The following BICD1 variants were observed in gnomAD, a reference collection of about 807,000 sequenced individuals.
BICD1 encodes the protein protein bicaudal D homolog 1.
BICD1 carries 35 observed loss-of-function variants against 92.5 expected under a neutral mutation model. The ratio of observed to expected loss-of-function variants is 0.38; its 90% CI spans 0.29 to 0.50. BICD1 has a LOEUF of 0.50. BICD1 is among the 20% of genes least tolerant of loss of function. BICD1 has a pLI of 0.93. For missense variants in BICD1, 950 were observed against 1,189.8 expected (o/e 0.80, Z 2.97); for synonymous variants, 429 against 465.1 (o/e 0.92, Z 1.00).
At chr12:32,300,140 C>T (rs1272365463) in intron 3 of BICD1, among the ~76,000 whole-genome samples, 7 of 151,426 alleles carry the variant, frequency 4.6e-5, no homozygotes, top group Non-Finnish European at 7.4e-5. Flanking sequence ...CTCGCTCTGT[C>T]GCCCAGGCTG....
chr12:32,239,161 G>T (rs1158748032), intron 2 of BICD1, among the ~76,000 whole-genome samples: 17 of 148,194 alleles, frequency 1.1e-4, no homozygotes. Flanking sequence ...GCAGGAGAAT[G>T]GCGTGAACCT....
chr12:32,200,138 T>C (rs1565582682), intron 1 of BICD1, among the ~76,000 whole-genome samples: 1 of 152,248 alleles, frequency 6.6e-6, no homozygotes, highest in South Asian at 2.1e-4. Flanking sequence ...CAAAAGTACC[T>C]ATCTCTCAGC....
chr12:32,147,188 T>C (rs1943139194), intron 1 of BICD1, among the ~76,000 whole-genome samples: 2 of 152,070 alleles, frequency 1.3e-5, no homozygotes. Context: ...TGCCTCAGCT[T>C]CCCAAAGTGC....
intron 2 of BICD1, among the ~76,000 whole-genome samples, chr12:32,246,599 A>G (rs535325966): frequency 1.3e-5 from 2 of 152,238 alleles, no homozygotes; most frequent in South Asian, 4.2e-4. Context: ...GATGGTGTCA[A>G]TGAACTCTAT....
At chr12:32,283,120 C>T (rs1947464622) in intron 2 of BICD1, among the ~76,000 whole-genome samples, 2 of 144,692 alleles carry the variant, frequency 1.4e-5, no homozygotes, top group Admixed American at 1.4e-4. Flanking sequence ...GCAAGGTTTT[C>T]AGGGAGGGAA....
chr12:32,369,438 A>G (rs537865059), intron 9 of BICD1, among the ~76,000 whole-genome samples: 14 of 152,386 alleles, frequency 9.2e-5, no homozygotes, highest in African/African-American at 3.4e-4. Flanking sequence ...TCTGAGGAGT[A>G]GATGTCAGTA....
At chr12:32,178,704 G>T (rs1158496576) in intron 1 of BICD1, among the ~76,000 whole-genome samples, 3 of 151,980 alleles carry the variant, frequency 2.0e-5, no homozygotes, top group Non-Finnish European at 4.4e-5. Flanking sequence ...TAGAAGCAGG[G>T]ATCTCATGAC....
At chr12:32,160,171 C>T (rs1943559216) in intron 1 of BICD1, among the ~76,000 whole-genome samples, 1 of 152,194 alleles carries the variant, frequency 6.6e-6, no homozygotes, top group Admixed American at 6.5e-5. Context: ...GGCCATGTCC[C>T]AGCTACTGGA....
chr12:32,359,487 C>A (rs1034620047), intron 8 of BICD1, among the ~76,000 whole-genome samples: 1 of 151,922 alleles, frequency 6.6e-6, no homozygotes, highest in Non-Finnish European at 1.5e-5. Flanking sequence ...TCTTATAGAG[C>A]CACCAATTTC....
intron 1 of BICD1, among the ~76,000 whole-genome samples, chr12:32,170,875 C>A (rs2121514401): frequency 6.6e-6 from 1 of 152,238 alleles, no homozygotes; most frequent in East Asian, 1.9e-4. Context: ...ACAGGACAGC[C>A]CCCACACCAG....
chr12:32,107,848 G>A (rs1055466896), intron 1 of BICD1: 20 of 645,686 alleles, frequency 3.1e-5, no homozygotes, highest in Non-Finnish European at 4.5e-5. Context: ...GGGTTGGAAT[G>A]TATAAATCAA....
At chr12:32,171,516 G>A (rs1420545292) in intron 1 of BICD1, among the ~76,000 whole-genome samples, 1 of 152,212 alleles carries the variant, frequency 6.6e-6, no homozygotes, top group Non-Finnish European at 1.5e-5. Context: ...TTCTTCTTCT[G>A]TGGTTCCTCA....
At chr12:32,377,467 C>T (rs1489121022) in intron 9 of BICD1, 73 bp from the exon 10 acceptor site, 36 of 1,177,144 alleles carry the variant, frequency 3.1e-5, no homozygotes, top group Middle Eastern at 1.9e-4. Context: ...AAAAATATCT[C>T]GTCTAACCCC....
intron 4 of BICD1, among the ~76,000 whole-genome samples, chr12:32,309,777 A>T (rs1565660710): frequency 1.3e-5 from 2 of 151,164 alleles, no homozygotes; most frequent in Non-Finnish European, 2.9e-5. Flanking sequence ...TTGTATTTTC[A>T]TTTTTTTTTA....
intron 4 of BICD1, among the ~76,000 whole-genome samples, chr12:32,323,360 C>T (rs1174740289): frequency 2.0e-5 from 3 of 152,182 alleles, no homozygotes; most frequent in African/African-American, 7.2e-5. Context: ...ACCAATTGTT[C>T]ACAATAGCTA....
At chr12:32,193,649 T>C (rs1263328184) in intron 1 of BICD1, among the ~76,000 whole-genome samples, 1 of 151,958 alleles carries the variant, frequency 6.6e-6, no homozygotes, top group African/African-American at 2.4e-5. Flanking sequence ...CCTACAAAGA[T>C]TGAATCATAA....
rs187675800 is a variant in BICD1 at position 32,226,882 on chromosome 12, T to C, written c.426+10423T>C. ...CCCAACCCCTGGAGCTCTTCGCCAGTGTGCCTGGGGCTGGAGCCTGGCGGG... is the reference window on the plus strand; with the variant it reads ...CCCAACCCCTGGAGCTCTTCGCCAGCGTGCCTGGGGCTGGAGCCTGGCGGG... On this transcript the variant is annotated intron_variant, in intron 2 of 9. Transcript: ENST00000652176. 8.5e-5 allele frequency among the ~76,000 whole-genome samples: 13 copies of C among 152,338 alleles called. 1 individual carries two copies. Among genetic ancestry groups the C allele is most frequent in the Admixed American group, 8.5e-4 (13 of 15,296 alleles).
In BICD1 at chr12:32,349,816, G is replaced by A. The variant is rs944912602; in HGVS notation, c.2764+10837G>A. ...AGACAAGGCAGGAAGGAGTAGTGAT[G>A]TTCCTGAGTTCTTGCTGAATTCTGA... On this transcript the variant is annotated intron_variant, in intron 8 of 9. Coordinates refer to ENST00000652176, the MANE Select transcript of BICD1 (RefSeq NM_001714.4). Among the ~76,000 whole-genome samples, 4 of 152,310 alleles carry A rather than the reference G, an allele frequency of 2.6e-5. No homozygotes were observed. In the East Asian group the frequency reaches 5.8e-4, roughly 22 times the overall value.
chr12:32,334,402 C>A, intron 5 of BICD1, 114 bp from the exon 6 acceptor site: 1 of 1,131,168 alleles, frequency 8.8e-7, no homozygotes. Context: ...AAAATGTAAC[C>A]AAATCAATTT....
Sources: gnomAD v4.1 joint callset for allele counts (sites outside exome capture counted in the v4.1 genomes callset) on GRCh38, gnomAD v4.1.1 for gene constraint, MANE v1.5 for transcripts, NCBI Gene and HGNC (gene_info 2026-07-23, HGNC 2026-07-21) for gene names.